Variants in DNAJC17 observed in about 807,000 individuals in gnomAD.
DNAJC17 encodes DnaJ heat shock protein family (Hsp40) member C17.
A neutral mutation model predicts 48.1 loss-of-function variants in DNAJC17; 35 were observed. The ratio of observed to expected loss-of-function variants is 0.73; its 90% CI spans 0.56 to 0.96. The LOEUF (loss-of-function observed/expected upper bound fraction) is 0.96, where lower values mean the gene tolerates loss of function less well. DNAJC17 is among the 50% of genes least tolerant of loss of function. DNAJC17 has a pLI of 0.00. For synonymous variants in DNAJC17, 117 were observed against 142.7 expected (o/e 0.82, Z 1.28); for missense variants, 355 against 377.1 (o/e 0.94, Z 0.48).
chr15:40,776,055 C>CA, intron 6 of DNAJC17, 141 bp downstream of exon 6: 1 of 703,880 alleles, frequency 1.4e-6, no homozygotes, highest in South Asian at 1.8e-5. Flanking sequence ...TGGCATGTGT[C>CA]AGAGTAAGGT....
intron 10 of DNAJC17, chr15:40,771,307 AAAGGGAGGCTGTGCCG>A (rs1889133818): frequency 2.2e-6 from 1 of 451,638 alleles, no homozygotes; most frequent in African/African-American, 2.5e-5. Flanking sequence ...CTATGCCGGG[AAAGGGAGGCTGTGCCG>A]GGAAAGGGAG....
chr15:40,768,087 A>AC, intron 10 of DNAJC17, 25 bp from the exon 11 acceptor site: 1 of 1,523,296 alleles, frequency 6.6e-7, no homozygotes, highest in South Asian at 1.3e-5. Flanking sequence ...AGGGACAGGG[A>AC]GGGGTCAGGG....
chr15:40,806,118 C>A (rs950631483), intron 1 of DNAJC17, among the ~76,000 whole-genome samples: 2 of 152,020 alleles, frequency 1.3e-5, no homozygotes, highest in African/African-American at 4.8e-5. Context: ...CTGGGTCTCT[C>A]TGATTTTCTG....
chr15:40,787,731 G>A (rs995096710), intron 1 of DNAJC17, among the ~76,000 whole-genome samples: 2 of 152,126 alleles, frequency 1.3e-5, no homozygotes, highest in East Asian at 3.9e-4. Context: ...CCTCCACTGG[G>A]TTTTGCCGCA....
intron 1 of DNAJC17, 49 bp from the exon 2 acceptor site, chr15:40,780,046 CA>C: frequency 1.9e-6 from 3 of 1,584,178 alleles, no homozygotes; most frequent in Non-Finnish European, 1.7e-6. Flanking sequence ...ATCCCAGGGA[CA>C]AACAGGAAAA....
intron 1 of DNAJC17, among the ~76,000 whole-genome samples, chr15:40,787,975 A>T (rs1243678600): frequency 6.6e-6 from 1 of 152,202 alleles, no homozygotes; most frequent in Non-Finnish European, 1.5e-5. Flanking sequence ...GTACAAGTAA[A>T]GAGGCCGAGG....
At chr15:40,784,164 C>T (rs1170315297) in intron 1 of DNAJC17, among the ~76,000 whole-genome samples, 1 of 151,470 alleles carries the variant, frequency 6.6e-6, no homozygotes, top group Non-Finnish European at 1.5e-5. Context: ...TGCAGTGAGC[C>T]GAGATTGCAC....
At chr15:40,779,879 G>T in intron 2 of DNAJC17, 49 bp downstream of exon 2, 1 of 1,577,050 alleles carries the variant, frequency 6.3e-7, no homozygotes, top group East Asian at 2.2e-5. Flanking sequence ...GAAACACAAT[G>T]CCCGGGTGAG....
rs531498654 is a variant in DNAJC17, at chr15:40,801,725, G to T, written c.78+5644C>A. ...TGCACTCCAGCCTGGGTGACAGAGCGAGACTCCGTCTCAAAAAAAAAAAAA... is the reference window on the plus strand; with the variant it reads ...TGCACTCCAGCCTGGGTGACAGAGCTAGACTCCGTCTCAAAAAAAAAAAAA... On this transcript the variant is annotated intron_variant, in intron 1 of 10. Transcript: ENST00000220496. 6.3e-4 allele frequency among the ~76,000 whole-genome samples: 86 copies of T among 136,466 alleles called. 2 individuals carry two copies. The South Asian group carries it at 0.019, about 30-fold the overall frequency. The allele number at this position is 136,466 out of a possible 152,430, so 89.5% of individuals were successfully genotyped here. A position where few individuals can be genotyped will look rare whatever the true frequency, so the allele number is the denominator to read the frequency against.
intron 1 of DNAJC17, among the ~76,000 whole-genome samples, chr15:40,780,763 G>A (rs947619706): frequency 4.6e-5 from 7 of 151,690 alleles, no homozygotes; most frequent in Non-Finnish European, 7.4e-5. Context: ...GCAGTGAGCC[G>A]AAATCGCACC....
intron 1 of DNAJC17, among the ~76,000 whole-genome samples, chr15:40,793,379 C>G (rs530316872): frequency 4.6e-5 from 7 of 152,262 alleles, no homozygotes; most frequent in East Asian, 1.9e-4. Flanking sequence ...TGTCAGAAGT[C>G]AGAAGTGGTA....
chr15:40,786,224 T>C (rs1208924966), intron 1 of DNAJC17, among the ~76,000 whole-genome samples: 2 of 152,168 alleles, frequency 1.3e-5, no homozygotes, highest in Non-Finnish European at 2.9e-5. Context: ...AACAATTATT[T>C]TTTATAACTA....
In DNAJC17 at chr15:40,769,653, A is replaced by T. The variant is rs996954439; in HGVS notation, c.793-1591T>A. Among the ~76,000 whole-genome samples the T allele has an allele frequency of 6.6e-6, 1 of 151,918 alleles. No homozygotes were observed. Among genetic ancestry groups the T allele is most frequent in the Non-Finnish European group, 1.5e-5 (1 of 67,960 alleles). ...CTACAGGTCTCTTCCTTCCCCAACA[A>T]TCGTTCCACACGCCTGCCTTTCAAT... On this transcript the variant is annotated intron_variant, in intron 10 of 10. Coordinates refer to ENST00000220496, the MANE Select transcript of DNAJC17 (RefSeq NM_018163.3). The surrounding 1 kb of genome is among the most constrained non-coding windows in gnomAD (Gnocchi z 4.2).
At chr15:40,799,205 A>G (rs1017335883) in intron 1 of DNAJC17, among the ~76,000 whole-genome samples, 1 of 146,262 alleles carries the variant, frequency 6.8e-6, no homozygotes, top group Admixed American at 6.9e-5. Context: ...AGCCTGAGCG[A>G]CAGAGCGAGA....
intron 1 of DNAJC17, among the ~76,000 whole-genome samples, chr15:40,804,478 A>G (rs925405558): frequency 6.6e-6 from 1 of 151,918 alleles, no homozygotes; most frequent in Non-Finnish European, 1.5e-5. Flanking sequence ...GCACACCTGC[A>G]GTCCCAACTA....
At chr15:40,778,250 T>TTTTTG (rs1566823320) in intron 4 of DNAJC17, among the ~76,000 whole-genome samples, 2 of 152,014 alleles carry the variant, frequency 1.3e-5, no homozygotes, top group African/African-American at 4.8e-5. Context: ...AGCACCAATT[T>TTTTTG]TTTTGTTTTG....
chr15:40,806,762 A>T (rs1289244317), intron 1 of DNAJC17, among the ~76,000 whole-genome samples: 3 of 152,124 alleles, frequency 2.0e-5, no homozygotes, highest in Non-Finnish European at 4.4e-5. Flanking sequence ...GGTAGCATGG[A>T]CCTCTATACC....
intron 1 of DNAJC17, among the ~76,000 whole-genome samples, chr15:40,805,010 A>C (rs1051655796): frequency 2.0e-5 from 3 of 151,736 alleles, no homozygotes; most frequent in East Asian, 1.9e-4. Context: ...TCAAAAAAAA[A>C]CCCTCCAGAT....
chr15:40,782,254 TTAAAA>T (rs1337390309), intron 1 of DNAJC17, among the ~76,000 whole-genome samples: 2 of 151,214 alleles, frequency 1.3e-5, no homozygotes, highest in Admixed American at 1.3e-4. Flanking sequence ...TTAAATTAAA[TTAAAA>T]TAAAATAAAA....
Sources: gnomAD v4.1 joint callset for allele counts (sites outside exome capture counted in the v4.1 genomes callset) on GRCh38, gnomAD v4.1.1 for gene constraint, Gnocchi (gnomAD v3.1) non-coding constraint, MANE v1.5 for transcripts, NCBI Gene and HGNC (gene_info 2026-07-23, HGNC 2026-07-21) for gene names.